The following ZNF431 variants were observed in gnomAD, a reference collection of about 807,000 sequenced individuals.
ZNF431 encodes zinc finger protein 431.
A neutral mutation model predicts 57.0 loss-of-function variants in ZNF431; 34 were observed. That is an observed-to-expected ratio of 0.60 (90% confidence interval 0.45 to 0.79). ZNF431 has a LOEUF of 0.79. ZNF431 is among the 30% of genes least tolerant of loss of function. ZNF431 has a pLI of 0.00. For synonymous variants in ZNF431, 207 were observed against 220.3 expected (o/e 0.94, Z 0.54); for missense variants, 607 against 667.1 (o/e 0.91, Z 0.99).
chr19:21,147,559 A>G (rs903877682), intron 2 of ZNF431, among the ~76,000 whole-genome samples: 2 of 152,044 alleles, frequency 1.3e-5, no homozygotes, highest in African/African-American at 4.8e-5. Context: ...AAGAGTACCA[A>G]CACAAGATGA....
At position 21,184,320 on chromosome 19, in the gene ZNF431, A is replaced by T. The variant is rs1971306874; in HGVS notation, c.*286A>T. 1 of 245,594 alleles carries T rather than the reference A, an allele frequency of 4.1e-6. No homozygotes were observed. The highest frequency in any genetic ancestry group is 1.0e-4 in the South Asian group (1 of 9,872). The allele number at this position is 245,594 out of a possible 1,614,324, so 15.2% of individuals were successfully genotyped here. On this transcript the variant is annotated 3_prime_UTR_variant, in exon 5 of 5. Transcript: ENST00000311048. ...AGCCAAGATTGTACCACTGCACTCC[A>T]GTTTGGCAACAGAGTGAGACTCCGT... is the stretch of plus-strand genomic sequence containing the variant.
intron 4 of ZNF431, chr19:21,169,737 A>G (rs1177587187): frequency 1.5e-5 from 6 of 398,372 alleles, no homozygotes; most frequent in Non-Finnish European, 2.7e-5. Flanking sequence ...CAGGATGTGA[A>G]TGGGTTTGCC....
chr19:21,167,702 G>A lies in ZNF431; in HGVS notation c.319+36G>A, dbSNP rs749988289. On this transcript the variant is annotated intron_variant, in intron 4 of 4. Transcript: ENST00000311048. ...GTGAAAAAAAACAGATGACACAGAT[G>A]AGAGGTCCAAAGCTTAAAAAAAAAA... The A allele has an allele frequency of 9.6e-6, 14 of 1,454,244 alleles. No individual in the cohort carries two copies. In the South Asian group the frequency reaches 1.8e-4, roughly 19 times the overall value. 90.1% of individuals were successfully genotyped at this position (1,454,244 alleles called of 1,614,324 possible).
Position 21,183,664 on chromosome 19 carries a change from A to T in ZNF431, c.1361A>T (p.Lys454Ile), listed in dbSNP as rs1439083625. Residue 454 changes from lysine (K) to isoleucine (I), a missense_variant, in exon 5 of 5, where the codon AAA becomes ATA. Lys to Ile is a moderately radical substitution (Grantham distance 102). Coordinates refer to ENST00000311048, the MANE Select transcript of ZNF431 (RefSeq NM_133473.4). ...TAHKIIHTGE[K>I]PYKCEECGKA... is the part of the protein sequence containing the mutation. ...CATAAGATAATTCATACTGGAGAGA[A>T]ACCTTACAAATGTGAAGAATGTGGC... is the stretch of plus-strand genomic sequence containing the variant. 1 of 1,613,568 alleles carries T rather than the reference A, an allele frequency of 6.2e-7. No homozygotes were observed. Among genetic ancestry groups the T allele is most frequent in the East Asian group, 2.2e-5 (1 of 44,844 alleles).
In ZNF431 at chr19:21,183,637, C is replaced by CA; in HGVS notation, c.1335dup (p.His446ThrfsTer2). ...TTTAACCGGTCCCCACAACTTACTG[C>CA]ACATAAGATAATTCATACTGGAGAG... On this transcript the variant is annotated frameshift_variant, in exon 5 of 5. Coordinates refer to ENST00000311048, the MANE Select transcript of ZNF431 (RefSeq NM_133473.4). LOFTEE classifies it high-confidence loss of function. The CA allele has an allele frequency of 6.2e-7, 1 of 1,605,054 alleles. No individual in the cohort carries two copies.
Position 21,183,662 on chromosome 19 carries a change from G to A in ZNF431, c.1359G>A (p.Glu453=), listed in dbSNP as rs1329674916. 5 of 1,612,800 alleles carry A rather than the reference G, an allele frequency of 3.1e-6. No individual in the cohort carries two copies. The African/African-American group carries it at 5.4e-5, about 17-fold the overall frequency. The change falls in exon 5 of 5, where the codon GAG becomes GAA. Residue 453 remains glutamate (E), a synonymous_variant. Transcript: ENST00000311048. The stretch of plus-strand genomic sequence containing the variant: ...CACATAAGATAATTCATACTGGAGA[G>A]AAACCTTACAAATGTGAAGAATGTG... ...LTAHKIIHTG[E]KPYKCEECGK...
intron 4 of ZNF431, among the ~76,000 whole-genome samples, chr19:21,171,373 A>G (rs1003452681): frequency 6.6e-6 from 1 of 151,262 alleles, no homozygotes; most frequent in Non-Finnish European, 1.5e-5. Flanking sequence ...GCAGTTTCTT[A>G]TTAGCGTTTT....
chr19:21,189,010 C>G lies in ZNF431; in HGVS notation c.*4976C>G, dbSNP rs1971446745. On this transcript the variant is annotated 3_prime_UTR_variant, in exon 5 of 5. Coordinates refer to ENST00000311048, the MANE Select transcript of ZNF431 (RefSeq NM_133473.4). ...TTAAATGACAATAATAGCCCCAAAA[C>G]TATATATTTTTGATACTATTTAACC... The G allele has an allele frequency of 6.6e-6, 1 of 152,124 alleles. No homozygotes were observed. Among genetic ancestry groups the G allele is most frequent in the Non-Finnish European group, 1.5e-5 (1 of 68,028 alleles). The allele number at this position is 152,124 out of a possible 1,614,324, so 9.4% of individuals were successfully genotyped here.
rs1568317662 is a variant in ZNF431, at chr19:21,184,457, A to T, written c.*423A>T. ...ATAAGATAATTTATACTGGAGAGAA[A>T]CTCTACAAATCAGAAAGATGTGACT... On this transcript the variant is annotated 3_prime_UTR_variant, in exon 5 of 5. Transcript: ENST00000311048. 6.4e-6 allele frequency: 1 copy of T among 156,308 alleles called. No individual in the cohort carries two copies. Among genetic ancestry groups the T allele is most frequent in the Non-Finnish European group, 1.4e-5 (1 of 69,798 alleles). The allele number at this position is 156,308 out of a possible 1,614,324, so 9.7% of individuals were successfully genotyped here.
chr19:21,173,081 CAA>C (rs894807571), intron 4 of ZNF431, among the ~76,000 whole-genome samples: 5 of 152,110 alleles, frequency 3.3e-5, no homozygotes, highest in Admixed American at 1.3e-4. Flanking sequence ...TAAAATGTGA[CAA>C]GATTTCTTTG....
chr19:21,171,889 T>C (rs1970904795), intron 4 of ZNF431, among the ~76,000 whole-genome samples: 1 of 150,670 alleles, frequency 6.6e-6, no homozygotes, highest in Non-Finnish European at 1.5e-5. Context: ...CCCGGCTAAT[T>C]TTTTGTATTT....
chr19:21,177,478 G>A (rs1456967026), intron 4 of ZNF431, among the ~76,000 whole-genome samples: 1 of 152,042 alleles, frequency 6.6e-6, no homozygotes, highest in East Asian at 1.9e-4. Context: ...CCAGCTTTGT[G>A]TTTTTTGCCT....
intron 2 of ZNF431, among the ~76,000 whole-genome samples, chr19:21,156,208 G>C (rs981336507): frequency 1.3e-5 from 2 of 152,236 alleles, no homozygotes; most frequent in African/African-American, 4.8e-5. Context: ...ACAGCAACCT[G>C]TTTTCCCCAC....
chr19:21,173,812 C>A (rs1970974071), intron 4 of ZNF431, among the ~76,000 whole-genome samples: 1 of 152,154 alleles, frequency 6.6e-6, no homozygotes, highest in Non-Finnish European at 1.5e-5. Context: ...CATGCGTGAG[C>A]CACCACGCCT....
rs1310973216 is a variant in ZNF431 at position 21,194,169 on chromosome 19, A to G, written c.*10135A>G. ...AATGACTTCAGCAAAGTCTCAGGATACAAAATTGATATACAAAAATGAATA... is the reference window on the plus strand; with the variant it reads ...AATGACTTCAGCAAAGTCTCAGGATGCAAAATTGATATACAAAAATGAATA... On this transcript the variant is annotated 3_prime_UTR_variant, in exon 5 of 5. Coordinates refer to ENST00000311048, the MANE Select transcript of ZNF431 (RefSeq NM_133473.4). 1 of 152,232 alleles carries G rather than the reference A, an allele frequency of 6.6e-6. No individual in the cohort carries two copies. Among genetic ancestry groups the G allele is most frequent in the Non-Finnish European group, 1.5e-5 (1 of 68,034 alleles). The allele number at this position is 152,232 out of a possible 1,614,324, so 9.4% of individuals were successfully genotyped here.
At chr19:21,155,042 A>G (rs1568299251) in intron 2 of ZNF431, among the ~76,000 whole-genome samples, 2 of 152,062 alleles carry the variant, frequency 1.3e-5, no homozygotes, top group Admixed American at 6.6e-5. Flanking sequence ...CCATTTGTCA[A>G]TTTTGGCTTT....
Position 21,192,707 on chromosome 19 carries a change from ATGT to A in ZNF431, c.*8678_*8680del, listed in dbSNP as rs1441415065. ...AGCTTACAACATATCCCTGTTTAGT[ATGT>A]TGTTAGCAGTTTTTTTGGTTATATA... is the stretch of plus-strand genomic sequence containing the variant. On this transcript the variant is annotated 3_prime_UTR_variant, in exon 5 of 5. Transcript: ENST00000311048. 1 of 152,068 alleles carries A rather than the reference ATGT, an allele frequency of 6.6e-6. No homozygotes were observed. Among genetic ancestry groups the A allele is most frequent in the East Asian group, 1.9e-4 (1 of 5,190 alleles). 9.4% of individuals were successfully genotyped at this position (152,068 alleles called of 1,614,324 possible).
chr19:21,169,791 G>C (rs188791364), intron 4 of ZNF431: 55 of 398,588 alleles, frequency 1.4e-4, no homozygotes, highest in African/African-American at 1.0e-3. Flanking sequence ...CACTGTGTGG[G>C]TTTCTGTTTA....
chr19:21,144,281 C>T (rs149129384), intron 2 of ZNF431, among the ~76,000 whole-genome samples: 21,932 of 151,886 alleles, frequency 0.14, 1,894 homozygotes, highest in Non-Finnish European at 0.2. Context: ...TCACTACAAC[C>T]TCTGTCTCCC....
Sources: gnomAD v4.1 joint callset for allele counts (sites outside exome capture counted in the v4.1 genomes callset) on GRCh38, gnomAD v4.1.1 for gene constraint, MANE v1.5 for transcripts, NCBI Gene and HGNC (gene_info 2026-07-23, HGNC 2026-07-21) for gene names.